Variants in SLC35F1 observed in about 807,000 individuals in gnomAD.
The protein encoded by SLC35F1 is solute carrier family 35 member F1.
SLC35F1 carries 14 observed loss-of-function variants against 48.7 expected under a neutral mutation model. The observed-to-expected ratio is 0.29, with a 90% CI of 0.19 to 0.45. SLC35F1 has a LOEUF of 0.45. Among genes scored for constraint, SLC35F1 ranks in the 20% least tolerant of loss-of-function variants. The pLI, the probability that SLC35F1 is intolerant of heterozygous loss-of-function variation, is 1.00. For synonymous variants in SLC35F1, 190 were observed against 202.2 expected, an observed-to-expected ratio of 0.94 and a Z score of 0.51; for missense variants, 404 against 500.0, an observed-to-expected ratio of 0.81 and a Z score of 1.83.
intron 1 of SLC35F1, among the ~76,000 whole-genome samples, chr6:118,021,477 C>A (rs138897227): frequency 2.0e-5 from 3 of 152,128 alleles, no homozygotes; most frequent in Non-Finnish European, 2.9e-5. Context: ...GTAGCACAGG[C>A]TTGTTCTTGG....
intron 1 of SLC35F1, among the ~76,000 whole-genome samples, chr6:118,067,360 T>C (rs796369544): frequency 3.9e-4 from 59 of 152,132 alleles, no homozygotes; most frequent in African/African-American, 1.4e-3. Flanking sequence ...AGACGCAGAT[T>C]AAGAGTCATC....
intron 1 of SLC35F1, among the ~76,000 whole-genome samples, chr6:117,951,795 G>A (rs1467467803): frequency 6.6e-6 from 1 of 152,162 alleles, no homozygotes; most frequent in Non-Finnish European, 1.5e-5. Flanking sequence ...CCTAACCTTT[G>A]CCAAACAATG....
intron 1 of SLC35F1, among the ~76,000 whole-genome samples, chr6:118,138,279 G>C (rs960495830): frequency 6.7e-6 from 1 of 149,198 alleles, no homozygotes; most frequent in Non-Finnish European, 1.5e-5. Flanking sequence ...CTGCACTTCA[G>C]CCTTGTATCA....
chr6:118,187,315 G>A (rs970726257), intron 2 of SLC35F1, among the ~76,000 whole-genome samples: 11 of 152,060 alleles, frequency 7.2e-5, no homozygotes, highest in African/African-American at 2.4e-4. Flanking sequence ...CATCTTTGCC[G>A]AGACTGACAA....
At chr6:118,036,108 A>G (rs72959832) in intron 1 of SLC35F1, among the ~76,000 whole-genome samples, 2 of 152,202 alleles carry the variant, frequency 1.3e-5, no homozygotes, top group Non-Finnish European at 2.9e-5. Context: ...TTTTATGTGT[A>G]TAGCTTCTTG....
chr6:118,243,881 A>C (rs1775471609), intron 3 of SLC35F1, among the ~76,000 whole-genome samples: 1 of 152,210 alleles, frequency 6.6e-6, no homozygotes, highest in Non-Finnish European at 1.5e-5. Flanking sequence ...TTTAATGACT[A>C]TTCAAACGAT....
At chr6:118,024,613 G>A (rs1319974706) in intron 1 of SLC35F1, among the ~76,000 whole-genome samples, 1 of 152,108 alleles carries the variant, frequency 6.6e-6, no homozygotes, top group Non-Finnish European at 1.5e-5. Flanking sequence ...GTGAATTTCT[G>A]TAAATAAATT....
intron 3 of SLC35F1, among the ~76,000 whole-genome samples, chr6:118,239,487 T>C (rs1243666780): frequency 8.9e-6 from 1 of 112,748 alleles, no homozygotes; most frequent in Non-Finnish European, 1.8e-5. Context: ...TTTGGAACCA[T>C]AGTTGGCTTT....
chr6:118,112,021 C>T (rs1302231262), intron 1 of SLC35F1, among the ~76,000 whole-genome samples: 1 of 152,162 alleles, frequency 6.6e-6, no homozygotes, highest in East Asian at 1.9e-4. Flanking sequence ...TTGGGAGTGT[C>T]CAGATACCCC....
At chr6:118,228,780 A>G (rs1224845515) in intron 2 of SLC35F1, among the ~76,000 whole-genome samples, 1 of 152,102 alleles carries the variant, frequency 6.6e-6, no homozygotes, top group Admixed American at 6.6e-5. Flanking sequence ...ACTGTGAGCC[A>G]AAAAGGTGTT....
chr6:118,178,723 A>T (rs1774528998), intron 2 of SLC35F1, among the ~76,000 whole-genome samples: 1 of 151,840 alleles, frequency 6.6e-6, no homozygotes, highest in African/African-American at 2.4e-5. Context: ...GAAAAAGATA[A>T]CTCTCTTATG....
chr6:117,913,445 G>C (rs894138870), intron 1 of SLC35F1, among the ~76,000 whole-genome samples: 1 of 152,100 alleles, frequency 6.6e-6, no homozygotes, highest in Non-Finnish European at 1.5e-5. Flanking sequence ...TAGAATGAAC[G>C]TTGTAATTCA....
intron 1 of SLC35F1, among the ~76,000 whole-genome samples, chr6:118,086,154 A>C (rs1387005588): frequency 6.6e-6 from 1 of 152,160 alleles, no homozygotes; most frequent in African/African-American, 2.4e-5. Flanking sequence ...GTTTTCTCCA[A>C]TGTAAAAAAA....
At chr6:118,125,377 G>GA (rs1491217555) in intron 1 of SLC35F1, among the ~76,000 whole-genome samples, 2 of 36,756 alleles carry the variant, frequency 5.4e-5, no homozygotes, top group African/African-American at 2.2e-4. Context: ...ATGGTATTTT[G>GA]GGGGGGGGGA....
At position 117,923,643 on chromosome 6, in the gene SLC35F1, G is replaced by GTACATATATACATA. The variant is rs1562238603; in HGVS notation, c.173+15751_173+15752insATACATATACATAT. On this transcript the variant is annotated intron_variant, in intron 1 of 7. Transcript: ENST00000360388. ...TGTATATATACATATATGTACATAT[G>GTACATATATACATA]TACATATGTACATATGTATATATAC... Among the ~76,000 whole-genome samples the GTACATATATACATA allele has an allele frequency of 1.7e-3, 97 of 58,760 alleles. 24 individuals carry two copies. The highest frequency in any genetic ancestry group is 0.029 in the Middle Eastern group (2 of 70). 38.5% of individuals were successfully genotyped at this position (58,760 alleles called of 152,430 possible). A position where few individuals can be genotyped will look rare whatever the true frequency, so the allele number is the denominator to read the frequency against.
At chr6:118,023,423 T>A (rs1777423460) in intron 1 of SLC35F1, among the ~76,000 whole-genome samples, 1 of 152,178 alleles carries the variant, frequency 6.6e-6, no homozygotes, top group Admixed American at 6.5e-5. Context: ...GGAATCCTTA[T>A]GGGGATTGGC....
Position 118,081,158 on chromosome 6 carries a change from T to C in SLC35F1, c.174-73287T>C, listed in dbSNP as rs112192616. 3.4e-3 allele frequency among the ~76,000 whole-genome samples: 513 copies of C among 152,284 alleles called. 5 individuals are homozygous for C. The highest frequency in any genetic ancestry group is 0.012 in the African/African-American group (495 of 41,562). ...CCCCTGTTTGATCCAGGGTTGTTCA[T>C]TGAGGTTTTCAATGATAGAACAATT... On this transcript the variant is annotated intron_variant, in intron 1 of 7. Coordinates refer to ENST00000360388, the MANE Select transcript of SLC35F1 (RefSeq NM_001029858.4).
At chr6:117,916,718 T>C (rs1157389135) in intron 1 of SLC35F1, among the ~76,000 whole-genome samples, 1 of 152,158 alleles carries the variant, frequency 6.6e-6, no homozygotes, top group Non-Finnish European at 1.5e-5. Flanking sequence ...AGTAAGACTT[T>C]TCAGAGATCA....
intron 1 of SLC35F1, among the ~76,000 whole-genome samples, chr6:117,994,353 C>G (rs1028409268): frequency 1.3e-5 from 2 of 152,048 alleles, no homozygotes; most frequent in Non-Finnish European, 1.5e-5. Context: ...CTGGATCACC[C>G]AGGATAACCT....
Sources: gnomAD v4.1 joint callset for allele counts (sites outside exome capture counted in the v4.1 genomes callset) on GRCh38, gnomAD v4.1.1 for gene constraint, MANE v1.5 for transcripts, NCBI Gene and HGNC (gene_info 2026-07-23, HGNC 2026-07-21) for gene names.